MASP2: variants seen among roughly 807,000 people sequenced by gnomAD.
The protein encoded by MASP2 is MBL associated serine protease 2.
A neutral mutation model predicts 57.1 loss-of-function variants in MASP2; 49 were observed. That is an observed-to-expected ratio of 0.86 (90% CI 0.68 to 1.09). The LOEUF is 1.09. Ranked by LOEUF, MASP2 falls within the 50% of genes least tolerant of loss-of-function variation. The pLI, the probability that MASP2 is intolerant of heterozygous loss-of-function variation, is 0.00. For missense variants in MASP2, 900 were observed against 874.8 expected (o/e 1.03, Z -0.36); for synonymous variants, 379 against 340.8 (o/e 1.11, Z -1.24).
intron 9 of MASP2, 58 bp downstream of exon 9, chr1:11,030,690 A>G: frequency 6.6e-7 from 1 of 1,525,998 alleles, no homozygotes; most frequent in Non-Finnish European, 8.8e-7. Context: ...TTATTTTCAG[A>G]CCATGGGGGC....
In MASP2 at chr1:11,043,471, C is replaced by A; in HGVS notation, c.609G>T (p.Arg203=). 3 of 1,610,012 alleles carry A rather than the reference C, an allele frequency of 1.9e-6. No individual in the cohort carries two copies. Among genetic ancestry groups the A allele is most frequent in the Admixed American group, 3.4e-5 (2 of 59,426 alleles). The change falls in exon 5 of 11, where the codon CGG becomes CGT. Residue 203 remains arginine (R), a synonymous_variant. Coordinates refer to ENST00000400897, the MANE Select transcript of MASP2 (RefSeq NM_006610.4). ...TGCAACTGGAGAGTTTGGGATACGG[C>A]CGTGGGTATTCAGGGCTGCTGAGCT... is the stretch of plus-strand genomic sequence containing the variant. ...SGELSSPEYP[R]PYPKLSSCTY...
intron 6 of MASP2, 128 bp from the exon 7 acceptor site, chr1:11,037,939 G>A (rs1638304123): frequency 2.0e-6 from 1 of 510,642 alleles, no homozygotes; most frequent in Non-Finnish European, 3.4e-6. Context: ...CATACGTGGG[G>A]TAGGGTTCTT....
At chr1:11,046,422 A>G in intron 3 of MASP2, 134 bp downstream of exon 3, 1 of 951,130 alleles carries the variant, frequency 1.1e-6, no homozygotes, top group East Asian at 2.6e-5. Context: ...ATTGTGGATG[A>G]TGTCAGGCCA....
chr1:11,030,529 TTGTG>T (rs1303526708), intron 9 of MASP2: 20 of 580,618 alleles, frequency 3.4e-5, no homozygotes, highest in Non-Finnish European at 4.5e-5. Flanking sequence ...TTGGAATACA[TTGTG>T]TGTTTGTAGT....
intron 7 of MASP2, 40 bp downstream of exon 7, chr1:11,037,653 G>A: frequency 7.9e-7 from 1 of 1,268,634 alleles, no homozygotes; most frequent in South Asian, 1.3e-5. Flanking sequence ...ACATTTCAAA[G>A]CAATCGTCAT....
chr1:11,047,093 C>A lies in MASP2; in HGVS notation c.32G>T (p.Cys11Phe), dbSNP rs1382021677. 3.2e-6 allele frequency: 5 copies of A among 1,550,932 alleles called. No individual in the cohort carries two copies. The highest frequency in any genetic ancestry group is 2.4e-5 in the South Asian group (2 of 84,098). Residue 11 changes from cysteine (C) to phenylalanine (F), a missense_variant, in exon 2 of 11, where the codon TGT becomes TTT. Transcript: ENST00000400897. MRLLTLLGLL[C>F]GSVATPLGPK... The stretch of plus-strand genomic sequence containing the variant: ...GCCCAAGGGGGTGGCCACCGAGCCA[C>A]ACAGAAGGCCCAGGAGGGTCAGCAG...
chr1:11,044,098 ACCCAG>A (rs1638550943), intron 4 of MASP2, among the ~76,000 whole-genome samples: 1 of 152,206 alleles, frequency 6.6e-6, no homozygotes, highest in South Asian at 2.1e-4. Context: ...TCCTACCCGA[ACCCAG>A]CCAAGACCAG....
At chr1:11,043,601 G>T in intron 4 of MASP2, 66 bp from the exon 5 acceptor site, 1 of 1,114,908 alleles carries the variant, frequency 9.0e-7, no homozygotes, top group Non-Finnish European at 1.3e-6. Context: ...CCAACAGCAG[G>T]GTGGATGCCT....
intron 6 of MASP2, among the ~76,000 whole-genome samples, chr1:11,040,820 GA>G (rs1222526320): frequency 6.0e-5 from 9 of 151,062 alleles, no homozygotes; most frequent in African/African-American, 2.0e-4. Flanking sequence ...GTAGGTAGAA[GA>G]ATGAGTGGAC....
chr1:11,030,320 C>G (rs1643822803), intron 9 of MASP2, 70 bp from the exon 10 acceptor site: 1 of 1,085,928 alleles, frequency 9.2e-7, no homozygotes, highest in Non-Finnish European at 1.4e-6. Context: ...CTTGAATACC[C>G]CCTTGAAAAA....
intron 6 of MASP2, among the ~76,000 whole-genome samples, chr1:11,038,268 T>TG (rs1638311256): frequency 6.6e-6 from 1 of 152,148 alleles, no homozygotes; most frequent in Admixed American, 6.5e-5. Context: ...ATCTGCAAGA[T>TG]GGGGGGCGGT....
intron 7 of MASP2, among the ~76,000 whole-genome samples, chr1:11,036,538 CA>C (rs1308681996): frequency 1.1e-3 from 80 of 70,246 alleles, no homozygotes; most frequent in African/African-American, 3.0e-3. Flanking sequence ...AAAAAAAAAA[CA>C]AAAAAAAAAG....
In MASP2 at chr1:11,034,794, G is replaced by T. The variant is rs753654524; in HGVS notation, c.1087+34C>A. On this transcript the variant is annotated intron_variant, in intron 8 of 10. Transcript: ENST00000400897. ...AGTAGCAGCAGAGGGAGTTCCGGGC[G>T]GTTATGGGGCCTGTAGTCACCACAC... 11 of 1,467,732 alleles carry T rather than the reference G, an allele frequency of 7.5e-6. No individual in the cohort carries two copies. In the Admixed American group the frequency reaches 2.4e-4, roughly 32 times the overall value. The allele number at this position is 1,467,732 out of a possible 1,614,324, so 90.9% of individuals were successfully genotyped here.
Position 11,027,554 on chromosome 1 carries a change from A to G in MASP2, c.1392T>C (p.Gly464=). The change falls in exon 11 of 11, where the codon GGT becomes GGC. Residue 464 remains glycine, a synonymous_variant. Coordinates refer to ENST00000400897, the MANE Select transcript of MASP2 (RefSeq NM_006610.4). ...GDFPWQVLIL[G]GTTAAGALLY... ...AAAGTGCACCTGCTGCTGTGGTTCCACCTAATATCAGGACTTGCCAAGGAA... is the reference window on the plus strand; with the variant it reads ...AAAGTGCACCTGCTGCTGTGGTTCCGCCTAATATCAGGACTTGCCAAGGAA... 1 of 1,614,142 alleles carries G rather than the reference A, an allele frequency of 6.2e-7. No homozygotes were observed. The highest frequency in any genetic ancestry group is 8.5e-7 in the Non-Finnish European group (1 of 1,180,010).
At chr1:11,028,917 T>C (rs1334548104) in intron 10 of MASP2, among the ~76,000 whole-genome samples, 1 of 150,708 alleles carries the variant, frequency 6.6e-6, no homozygotes, top group East Asian at 2.0e-4. Context: ...GTTTCACCGT[T>C]TTAGCCAGAC....
chr1:11,046,723 C>A lies in MASP2; in HGVS notation c.245G>T (p.Gly82Val), dbSNP rs1422815290. 6.2e-7 allele frequency: 1 copy of A among 1,612,240 alleles called. No individual in the cohort carries two copies. The highest frequency in any genetic ancestry group is 2.2e-5 in the East Asian group (1 of 44,854). ...GCACAGCGTGGCCAGCACCTTGGCC[C>A]CCGAGCTCAGCTGTGGGGTCAGGTG... ...CEYDFVKLSS[G>V]AKVLATLCGQ... The change falls in exon 3 of 11, where the codon GGG becomes GTG. Residue 82 changes from glycine to valine, a missense_variant. Transcript: ENST00000400897.
intron 7 of MASP2, among the ~76,000 whole-genome samples, chr1:11,035,450 C>T (rs1643879866): frequency 6.6e-6 from 1 of 152,062 alleles, no homozygotes; most frequent in Non-Finnish European, 1.5e-5. Flanking sequence ...TTGCTTGAAC[C>T]TGTGAGGCGG....
chr1:11,027,726 A>G, intron 10 of MASP2, 78 bp from the exon 11 acceptor site: 1 of 1,473,498 alleles, frequency 6.8e-7, no homozygotes, highest in Non-Finnish European at 9.1e-7. Context: ...ACCGCCTTGA[A>G]GTATATATTT....
At position 11,046,519 on chromosome 1, in the gene MASP2, C is replaced by T. The variant is rs1198644318; in HGVS notation, c.412+37G>A. 39 of 1,610,590 alleles carry T rather than the reference C, an allele frequency of 2.4e-5. No individual in the cohort carries two copies. The Admixed American group carries it at 5.3e-4, about 22-fold the overall frequency. ...ACAGAGTTACCCCCACAGCCAGCTG[C>T]GCAGACTGAGATGTTGCAGGACCCC... On this transcript the variant is annotated intron_variant, in intron 3 of 10. Coordinates refer to ENST00000400897, the MANE Select transcript of MASP2 (RefSeq NM_006610.4).
Sources: gnomAD v4.1 joint callset for allele counts (sites outside exome capture counted in the v4.1 genomes callset) on GRCh38, gnomAD v4.1.1 for gene constraint, MANE v1.5 for transcripts, NCBI Gene and HGNC (gene_info 2026-07-23, HGNC 2026-07-21) for gene names.